LRRFIP2: variants seen among roughly 807,000 people sequenced by gnomAD.
LRRFIP2 encodes LRR binding FLII interacting protein 2.
LRRFIP2 carries 109 observed loss-of-function variants against 125.9 expected under a neutral mutation model. That is an observed-to-expected ratio of 0.87 (90% CI 0.74 to 1.01). The LOEUF (loss-of-function observed/expected upper bound fraction) is 1.01, where lower values mean the gene tolerates loss of function less well. Among genes scored for constraint, LRRFIP2 ranks in the 50% least tolerant of loss-of-function variants. LRRFIP2 has a pLI of 0.00. For missense variants in LRRFIP2, 850 were observed against 862.3 expected (o/e 0.99, Z 0.18); for synonymous variants, 291 against 293.1 (o/e 0.99, Z 0.07).
chr3:37,077,762 T>C (rs1435465282), intron 19 of LRRFIP2, among the ~76,000 whole-genome samples: 2 of 152,128 alleles, frequency 1.3e-5, no homozygotes, highest in Admixed American at 1.3e-4. Context: ...CAAGTGGCCA[T>C]TGATAGATGA....
chr3:37,154,875 T>C (rs1244769407), intron 1 of LRRFIP2, among the ~76,000 whole-genome samples: 2 of 152,250 alleles, frequency 1.3e-5, no homozygotes, highest in Non-Finnish European at 2.9e-5. Context: ...TGGATCCTGA[T>C]AGATAGTTCT....
chr3:37,099,601 A>G (rs2093912625), intron 15 of LRRFIP2, among the ~76,000 whole-genome samples: 1 of 152,210 alleles, frequency 6.6e-6, no homozygotes, highest in African/African-American at 2.4e-5. Flanking sequence ...ACATCAATCA[A>G]TTTTAACAAT....
rs780337216 is a variant in LRRFIP2 at position 37,083,847 on chromosome 3, TA to T, written c.1108-42del. 6 of 1,440,386 alleles carry T rather than the reference TA, an allele frequency of 4.2e-6. No individual in the cohort carries two copies. In the Admixed American group the frequency reaches 6.9e-5, roughly 17 times the overall value. 89.2% of individuals were successfully genotyped at this position (1,440,386 alleles called of 1,614,324 possible). On this transcript the variant is annotated intron_variant, in intron 18 of 27. Transcript: ENST00000336686. ...GTCATCAGTCTGATATCTAAAATGT[TA>T]ATTGAATACATGCAATATAACAGGA...
chr3:37,055,205 G>C lies in LRRFIP2; in HGVS notation c.1871-40C>G, dbSNP rs568853812. 54 of 1,247,916 alleles carry C rather than the reference G, an allele frequency of 4.3e-5. No homozygotes were observed. In the South Asian group the frequency reaches 6.8e-4, roughly 16 times the overall value. 77.3% of individuals were successfully genotyped at this position (1,247,916 alleles called of 1,614,324 possible). A position where few individuals can be genotyped will look rare whatever the true frequency, so the allele number is the denominator to read the frequency against. On this transcript the variant is annotated intron_variant, in intron 25 of 27. Coordinates refer to ENST00000336686, the MANE Select transcript of LRRFIP2 (RefSeq NM_006309.4). ...GACAATGAATTATCTTCACCTGTCA[G>C]AGATGACAGTATGAGCCATCAGGCA...
intron 13 of LRRFIP2, among the ~76,000 whole-genome samples, chr3:37,106,501 G>C (rs1337754308): frequency 6.6e-6 from 1 of 152,138 alleles, no homozygotes; most frequent in Non-Finnish European, 1.5e-5. Flanking sequence ...ATAAGGACAA[G>C]ATCCTACATT....
chr3:37,118,581 C>T (rs149225127), intron 6 of LRRFIP2, among the ~76,000 whole-genome samples: 1 of 152,334 alleles, frequency 6.6e-6, no homozygotes, highest in African/African-American at 2.4e-5. Context: ...ACTACCTTTG[C>T]TGTTTTTATT....
At chr3:37,164,945 C>T (rs1466797517) in intron 1 of LRRFIP2, among the ~76,000 whole-genome samples, 1 of 152,052 alleles carries the variant, frequency 6.6e-6, no homozygotes, top group African/African-American at 2.4e-5. Context: ...TTATATAAGA[C>T]TGTCTTCCAG....
intron 21 of LRRFIP2, among the ~76,000 whole-genome samples, chr3:37,072,435 G>C (rs957969813): frequency 3.5e-5 from 5 of 144,572 alleles, no homozygotes; most frequent in Non-Finnish European, 6.0e-5. Context: ...CCAGGAGGCA[G>C]AGGTTGTAGT....
chr3:37,056,523 G>A (rs1326305991), intron 25 of LRRFIP2, among the ~76,000 whole-genome samples: 5 of 150,990 alleles, frequency 3.3e-5, no homozygotes, highest in South Asian at 2.1e-4. Context: ...GCGCGATCTC[G>A]GCTCACTGCA....
At chr3:37,096,731 G>C in intron 15 of LRRFIP2, 71 bp from the exon 16 acceptor site, 1 of 787,200 alleles carries the variant, frequency 1.3e-6, no homozygotes, top group Non-Finnish European at 2.1e-6. Flanking sequence ...GGAAAAAAGT[G>C]ATCTTGAGTT....
At chr3:37,173,932 T>C (rs776520581) in intron 1 of LRRFIP2, among the ~76,000 whole-genome samples, 11 of 152,220 alleles carry the variant, frequency 7.2e-5, no homozygotes, top group Non-Finnish European at 1.2e-4. Flanking sequence ...AGGTTTCCCT[T>C]GCATATTTAC....
chr3:37,117,284 G>A (rs1362297013), intron 6 of LRRFIP2, among the ~76,000 whole-genome samples: 3 of 151,990 alleles, frequency 2.0e-5, no homozygotes, highest in Non-Finnish European at 4.4e-5. Context: ...ATTTTACACA[G>A]GCATAGGATT....
At chr3:37,157,569 A>T (rs574242106) in intron 1 of LRRFIP2, among the ~76,000 whole-genome samples, 2 of 152,160 alleles carry the variant, frequency 1.3e-5, no homozygotes, top group African/African-American at 4.8e-5. Flanking sequence ...AGGGGAAAAG[A>T]GGAAGGAGGG....
intron 1 of LRRFIP2, among the ~76,000 whole-genome samples, chr3:37,173,283 A>T (rs1233964413): frequency 6.6e-6 from 1 of 151,816 alleles, no homozygotes; most frequent in African/African-American, 2.4e-5. Context: ...TGGTGTTTTC[A>T]GGGCTCACTG....
intron 17 of LRRFIP2, among the ~76,000 whole-genome samples, chr3:37,094,564 A>G (rs2093629454): frequency 6.6e-6 from 1 of 152,206 alleles, no homozygotes; most frequent in Admixed American, 6.5e-5. Flanking sequence ...AAATTAGCAG[A>G]AATTCCAACA....
At chr3:37,139,061 G>A (rs989503628) in intron 2 of LRRFIP2, among the ~76,000 whole-genome samples, 1 of 152,170 alleles carries the variant, frequency 6.6e-6, no homozygotes, top group African/African-American at 2.4e-5. Flanking sequence ...TACACTGTGT[G>A]GATACACTAG....
At chr3:37,156,316 AAAAAAATT>A (rs1237439304) in intron 1 of LRRFIP2, among the ~76,000 whole-genome samples, 4 of 151,712 alleles carry the variant, frequency 2.6e-5, no homozygotes, top group African/African-American at 7.3e-5. Context: ...TCTATCTTTA[AAAAAAATT>A]TTTTTTTTAA....
Position 37,102,982 on chromosome 3 carries a change from T to A in LRRFIP2, c.815A>T (p.Asn272Ile). Residue 272 changes from asparagine to isoleucine, a missense_variant, in exon 15 of 28, where the codon AAT (asparagine) becomes ATT (isoleucine). Physicochemically the swap from Asn to Ile is moderately radical, Grantham distance 149 (BLOSUM62 -3). Transcript: ENST00000336686. ...VSAADYFSRSNRRGSVVSEVD... is the reference protein window; with the variant it reads ...VSAADYFSRSIRRGSVVSEVD... The stretch of plus-strand genomic sequence containing the variant: ...CTCAGAGACAACACTTCCCCTACGA[T>A]TGGAGCGACTGAAATAATCAGCGGC... 6.4e-7 allele frequency: 1 copy of A among 1,566,080 alleles called. No individual in the cohort carries two copies. The highest frequency in any genetic ancestry group is 8.7e-7 in the Non-Finnish European group (1 of 1,153,552).
chr3:37,143,303 A>C (rs2095764702), intron 2 of LRRFIP2, among the ~76,000 whole-genome samples: 1 of 152,230 alleles, frequency 6.6e-6, no homozygotes, highest in South Asian at 2.1e-4. Flanking sequence ...CTTTATGTTG[A>C]ATTCTCCATC....
Sources: gnomAD v4.1 joint callset for allele counts (sites outside exome capture counted in the v4.1 genomes callset) on GRCh38, gnomAD v4.1.1 for gene constraint, MANE v1.5 for transcripts, NCBI Gene and HGNC (gene_info 2026-07-23, HGNC 2026-07-21) for gene names.